SCIN: variants seen among roughly 807,000 people sequenced by gnomAD.
SCIN encodes scinderin.
In SCIN, 91 loss-of-function variants were observed where a neutral mutation model predicts 91.8. The ratio of observed to expected loss-of-function variants is 0.99; its 90% CI spans 0.84 to 1.18. The LOEUF is 1.18. SCIN is among the 50% of genes most tolerant of loss of function. The pLI is 0.00. For synonymous variants in SCIN, 367 were observed against 312.6 expected, an observed-to-expected ratio of 1.17 and a Z score of -1.84; for missense variants, 1,087 against 863.9, an observed-to-expected ratio of 1.26 and a Z score of -3.24.
intron 3 of SCIN, among the ~76,000 whole-genome samples, chr7:12,593,881 T>A (rs1782780617): frequency 6.6e-6 from 1 of 152,180 alleles, no homozygotes; most frequent in Non-Finnish European, 1.5e-5. Context: ...TTTCCTTCTC[T>A]TCTGGAAGGA....
At position 12,658,631 on chromosome 7, in the gene SCIN, A is replaced by G. The variant is rs1196271343; in HGVS notation, c.*5916A>G. Reference sequence around the variant, plus strand: ...TTATCTCCATTATTTTGAAGGAGCCAGGTGCTTGGGGAACCTGGTTGTACA... The same window carrying G: ...TTATCTCCATTATTTTGAAGGAGCCGGGTGCTTGGGGAACCTGGTTGTACA... On this transcript the variant is annotated 3_prime_UTR_variant, in exon 16 of 16. Transcript: ENST00000297029. 1 of 152,190 alleles carries G rather than the reference A, an allele frequency of 6.6e-6. No individual in the cohort carries two copies. Among genetic ancestry groups the G allele is most frequent in the African/African-American group, 2.4e-5 (1 of 41,456 alleles). 9.4% of individuals were successfully genotyped at this position (152,190 alleles called of 1,614,324 possible).
intron 2 of SCIN, among the ~76,000 whole-genome samples, chr7:12,578,856 A>C (rs1782427329): frequency 6.7e-6 from 1 of 148,464 alleles, no homozygotes; most frequent in Non-Finnish European, 1.5e-5. Context: ...AATAAACAAG[A>C]ACAAATAGTT....
At chr7:12,639,356 T>A (rs533614449) in intron 10 of SCIN, among the ~76,000 whole-genome samples, 19 of 152,376 alleles carry the variant, frequency 1.2e-4, no homozygotes, top group African/African-American at 3.4e-4. Context: ...AATATATTTA[T>A]GAAGTCAATT....
rs59555647 is a variant in SCIN at position 12,628,032 on chromosome 7, CGTGTGTGTGTGT to C, written c.1198-1046_1198-1035del. ...CTGAGAACTTAGGCAAGTGTGCGCG[CGTGTGTGTGTGT>C]GTGTGTGTGTGTGTGTGTGTGTTTG... On this transcript the variant is annotated intron_variant, in intron 8 of 15. Transcript: ENST00000297029. 4.0e-4 allele frequency among the ~76,000 whole-genome samples: 58 copies of C among 146,398 alleles called. No homozygotes were observed. In the South Asian group the frequency reaches 9.7e-3, roughly 25 times the overall value.
intron 3 of SCIN, 108 bp from the exon 4 acceptor site, chr7:12,604,406 A>G: frequency 4.3e-6 from 4 of 934,050 alleles, no homozygotes; most frequent in Non-Finnish European, 4.8e-6. Flanking sequence ...CCTCAACAAT[A>G]GGTCATTTAA....
chr7:12,577,714 A>G (rs77315990), intron 1 of SCIN: 10,259 of 410,348 alleles, frequency 0.025, 630 homozygotes, highest in African/African-American at 0.16. Flanking sequence ...GAATTAGCAA[A>G]GCATGGTGGC....
At chr7:12,600,325 A>G (rs1782932465) in intron 3 of SCIN, among the ~76,000 whole-genome samples, 1 of 152,186 alleles carries the variant, frequency 6.6e-6, no homozygotes, top group African/African-American at 2.4e-5. Context: ...CATAAGAATA[A>G]TACATTGACA....
intron 4 of SCIN, among the ~76,000 whole-genome samples, chr7:12,608,205 A>G (rs1196231656): frequency 6.6e-6 from 1 of 152,112 alleles, no homozygotes; most frequent in East Asian, 1.9e-4. Flanking sequence ...AATGTAATTT[A>G]TTTCCATTAT....
At chr7:12,625,647 C>G in intron 6 of SCIN, 115 bp from the exon 7 acceptor site, 2 of 805,618 alleles carry the variant, frequency 2.5e-6, no homozygotes, top group South Asian at 3.8e-5. Flanking sequence ...TATTCTTTCA[C>G]TGCTGTATTT....
chr7:12,608,937 G>A (rs939715454), intron 4 of SCIN, among the ~76,000 whole-genome samples: 3 of 152,190 alleles, frequency 2.0e-5, no homozygotes, highest in African/African-American at 7.2e-5. Flanking sequence ...TGTATTGAGT[G>A]CTGAAATTTT....
chr7:12,571,555 G>A (rs1372600904), intron 1 of SCIN: 2 of 466,574 alleles, frequency 4.3e-6, no homozygotes, highest in African/African-American at 2.0e-5. Context: ...GATTCTACCC[G>A]CACCATGCTG....
In SCIN at chr7:12,644,681, C is replaced by T; in HGVS notation, c.1857C>T (p.Cys619=). The T allele has an allele frequency of 6.3e-7, 1 of 1,575,864 alleles. No homozygotes were observed. The highest frequency in any genetic ancestry group is 8.6e-7 in the Non-Finnish European group (1 of 1,159,954). The change falls in exon 13 of 16, where the codon TGC becomes TGT. Residue 619 remains cysteine (C), a synonymous_variant. Transcript: ENST00000297029. Reference sequence around the variant, plus strand: ...ACCATCCACCTCGGCTTTACGGCTGCTCTAACAAAACTGGAAGATTTGTTG... The same window carrying T: ...ACCATCCACCTCGGCTTTACGGCTGTTCTAACAAAACTGGAAGATTTGTTG... The part of the protein sequence containing the change: ...AEDHPPRLYG[C]SNKTGRFVIE...
intron 4 of SCIN, among the ~76,000 whole-genome samples, chr7:12,610,247 A>G (rs1298882274): frequency 1.3e-5 from 2 of 152,234 alleles, no homozygotes; most frequent in African/African-American, 4.8e-5. Flanking sequence ...GTATTCAGCC[A>G]TTCTCTTGGA....
intron 11 of SCIN, among the ~76,000 whole-genome samples, chr7:12,643,451 A>G (rs2115296839): frequency 6.6e-6 from 1 of 152,310 alleles, no homozygotes; most frequent in South Asian, 2.1e-4. Context: ...CCATAATCAC[A>G]TCTGATAGAT....
In SCIN at chr7:12,581,240, C is replaced by T. The variant is rs1392269080; in HGVS notation, c.516+19C>T. On this transcript the variant is annotated intron_variant, in intron 3 of 15. Transcript: ENST00000297029. ...TGGCACCGTAAGTTTCATATATACA[C>T]ATCGATGTCTAAAGAAAAGTGAATT... 2 of 1,546,082 alleles carry T rather than the reference C, an allele frequency of 1.3e-6. No homozygotes were observed. The highest frequency in any genetic ancestry group is 1.7e-6 in the Non-Finnish European group (2 of 1,143,408).
chr7:12,570,825 G>C lies in SCIN; in HGVS notation c.39G>C (p.Ala13=), dbSNP rs76096341. 4 of 1,551,520 alleles carry C rather than the reference G, an allele frequency of 2.6e-6. No individual in the cohort carries two copies. In the East Asian group the frequency reaches 9.8e-5, roughly 38 times the overall value. ...TATACCACGAAGAGTTCGCCCGGGC[G>C]GGCAAGCAGGCGGGGCTGCAGGTCT... ...RELYHEEFAR[A]GKQAGLQVWR... is the part of the protein sequence containing the mutation. The change falls in exon 1 of 16, where the codon GCG becomes GCC. Residue 13 remains alanine (A), a synonymous_variant. Transcript: ENST00000297029.
intron 3 of SCIN, among the ~76,000 whole-genome samples, chr7:12,592,533 G>A (rs1037598069): frequency 3.3e-5 from 5 of 152,050 alleles, no homozygotes; most frequent in Admixed American, 6.6e-5. Flanking sequence ...GGGTTAATGA[G>A]AGAGGCAGGA....
rs183015208 is a variant in SCIN, at chr7:12,644,709, A to G, written c.1881+4A>G. 3.9e-6 allele frequency: 6 copies of G among 1,556,200 alleles called. No individual in the cohort carries two copies. In the South Asian group the frequency reaches 4.7e-5, roughly 12 times the overall value. ...TAACAAAACTGGAAGATTTGTTGTA[A>G]GTGTCCTTAAAAATAGTGCGATAGG... is the stretch of plus-strand genomic sequence containing the variant. On this transcript the variant is annotated splice_donor_region_variant and intron_variant, in intron 13 of 15. Coordinates refer to ENST00000297029, the MANE Select transcript of SCIN (RefSeq NM_001112706.3).
At position 12,644,691 on chromosome 7, in the gene SCIN, A is replaced by C. The variant is rs774464355; in HGVS notation, c.1867A>C (p.Thr623Pro). 1.9e-6 allele frequency: 3 copies of C among 1,567,274 alleles called. No homozygotes were observed. The South Asian group carries it at 3.5e-5, about 18-fold the overall frequency. ...PPRLYGCSNK[T>P]GRFVIEEIPG... ...TCGGCTTTACGGCTGCTCTAACAAA[A>C]CTGGAAGATTTGTTGTAAGTGTCCT... is the stretch of plus-strand genomic sequence containing the variant. Residue 623 changes from threonine to proline, a missense_variant, in exon 13 of 16, where the codon ACT (threonine) becomes CCT (proline). Coordinates refer to ENST00000297029, the MANE Select transcript of SCIN (RefSeq NM_001112706.3).
Sources: gnomAD v4.1 joint callset for allele counts (sites outside exome capture counted in the v4.1 genomes callset) on GRCh38, gnomAD v4.1.1 for gene constraint, MANE v1.5 for transcripts, NCBI Gene and HGNC (gene_info 2026-07-23, HGNC 2026-07-21) for gene names.